The following HK2 variants were observed in gnomAD, a reference collection of about 807,000 sequenced individuals.
HK2 encodes the protein hexokinase-2.
Under a neutral mutation model 92.9 loss-of-function variants are expected in HK2, and 42 were observed. The observed-to-expected ratio is 0.45, with a 90% CI of 0.35 to 0.58. The LOEUF (loss-of-function observed/expected upper bound fraction) is 0.58, where lower values mean the gene tolerates loss of function less well. HK2 is among the 20% of genes least tolerant of loss of function. The pLI is 0.00. For missense variants in HK2, 978 were observed against 1,245.1 expected (o/e 0.79, Z 3.23); for synonymous variants, 422 against 468.0 (o/e 0.90, Z 1.27).
At chr2:74,877,847 G>A (rs1423870527) in intron 8 of HK2, among the ~76,000 whole-genome samples, 2 of 152,148 alleles carry the variant, frequency 1.3e-5, no homozygotes, top group African/African-American at 4.8e-5. Context: ...CTTGATTTTT[G>A]TTGTTGTTAA....
chr2:74,878,721 C>G lies in HK2; in HGVS notation c.1065C>G (p.Val355=). 1 of 1,607,260 alleles carries G rather than the reference C, an allele frequency of 6.2e-7. No individual in the cohort carries two copies. Among genetic ancestry groups the G allele is most frequent in the Non-Finnish European group, 8.5e-7 (1 of 1,176,930 alleles). ...EKDGIRKARE[V]LMRLGLDPTQ... is the part of the protein sequence containing the mutation. ...ATGGCATCCGGAAGGCCCGTGAGGT[C>G]CTGATGCGGTTGGGCCTGGACCCGA... Residue 355 remains valine (V), a synonymous_variant, in exon 9 of 18, where the codon GTC becomes GTG. Coordinates refer to ENST00000290573, the MANE Select transcript of HK2 (RefSeq NM_000189.5).
chr2:74,863,122 G>A (rs886552276), intron 2 of HK2, among the ~76,000 whole-genome samples: 3 of 152,178 alleles, frequency 2.0e-5, no homozygotes, highest in East Asian at 1.9e-4. Flanking sequence ...TGACTGGCAC[G>A]TATTTTGAGC....
chr2:74,862,034 T>C (rs1688844429), intron 2 of HK2, among the ~76,000 whole-genome samples: 1 of 152,244 alleles, frequency 6.6e-6, no homozygotes, highest in Non-Finnish European at 1.5e-5. Flanking sequence ...ACCATGATGC[T>C]GATGGTGACG....
At chr2:74,848,401 T>A (rs894748549) in intron 1 of HK2, among the ~76,000 whole-genome samples, 1 of 152,258 alleles carries the variant, frequency 6.6e-6, no homozygotes, top group African/African-American at 2.4e-5. Flanking sequence ...ATTTTAAGTG[T>A]ACAATTTAGT....
chr2:74,844,811 C>T (rs1436251917), intron 1 of HK2, among the ~76,000 whole-genome samples: 1 of 152,238 alleles, frequency 6.6e-6, no homozygotes, highest in African/African-American at 2.4e-5. Flanking sequence ...GCCTGAAGAG[C>T]AAGGCCCGAC....
At chr2:74,844,634 T>C (rs11894886) in intron 1 of HK2, among the ~76,000 whole-genome samples, 20,496 of 152,184 alleles carry the variant, frequency 0.13, 1,577 homozygotes, top group African/African-American at 0.2. Context: ...GGAGTTCAGA[T>C]GCCACTGTGG....
At chr2:74,843,531 G>A (rs1464215088) in intron 1 of HK2, among the ~76,000 whole-genome samples, 1 of 152,094 alleles carries the variant, frequency 6.6e-6, no homozygotes, top group Non-Finnish European at 1.5e-5. Context: ...TCCTGCCTTG[G>A]TTAAATCTTA....
chr2:74,865,375 G>A (rs1367165271), intron 2 of HK2, among the ~76,000 whole-genome samples: 1 of 152,208 alleles, frequency 6.6e-6, no homozygotes, highest in South Asian at 2.1e-4. Flanking sequence ...GGCTGGCCTC[G>A]GATGATGACC....
intron 8 of HK2, among the ~76,000 whole-genome samples, chr2:74,877,680 T>C (rs1418464578): frequency 6.6e-6 from 1 of 152,200 alleles, no homozygotes; most frequent in Non-Finnish European, 1.5e-5. Context: ...TCTGATTCCC[T>C]ATTGGCAATT....
At chr2:74,886,162 C>A in intron 13 of HK2, 132 bp from the exon 14 acceptor site, 2 of 776,190 alleles carry the variant, frequency 2.6e-6, no homozygotes, top group Non-Finnish European at 2.3e-6. Context: ...AAGCACAGAC[C>A]TGAATGGAAT....
In HK2 at chr2:74,881,734, G is replaced by A. The variant is rs1558803700; in HGVS notation, c.1594G>A (p.Asp532Asn). 3 of 1,614,186 alleles carry A rather than the reference G, an allele frequency of 1.9e-6. No homozygotes were observed. The highest frequency in any genetic ancestry group is 1.7e-6 in the Non-Finnish European group (2 of 1,180,032). ...AGAGAAAGGGGACTTCTTGGCCTTGGACCTTGGAGGAACAAATTTCCGGGT... is the reference window on the plus strand; with the variant it reads ...AGAGAAAGGGGACTTCTTGGCCTTGAACCTTGGAGGAACAAATTTCCGGGT... ...GTEKGDFLAL[D>N]LGGTNFRVLL... Residue 532 changes from aspartate (D) to asparagine (N), a missense_variant, in exon 11 of 18, where the codon GAC becomes AAC. By Grantham distance (23) the Asp-to-Asn change is conservative. This residue lies in a region of HK2 where 742 missense variants were observed against 922.5 expected (regional missense o/e 0.80). Coordinates refer to ENST00000290573, the MANE Select transcript of HK2 (RefSeq NM_000189.5).
chr2:74,872,498 G>A lies in HK2; in HGVS notation c.495+79G>A, dbSNP rs553896009. On this transcript the variant is annotated intron_variant, in intron 4 of 17. Coordinates refer to ENST00000290573, the MANE Select transcript of HK2 (RefSeq NM_000189.5). ...GAGAGGGACTTCTGAGCCACCTGCT[G>A]TGGTGGTGGTGGTAGCACTGGAGGA... 2.7e-6 allele frequency: 4 copies of A among 1,478,972 alleles called. No homozygotes were observed. The African/African-American group carries it at 4.2e-5, about 15-fold the overall frequency. 91.6% of individuals were successfully genotyped at this position (1,478,972 alleles called of 1,614,324 possible).
At chr2:74,871,653 TC>T (rs1340159163) in intron 3 of HK2, among the ~76,000 whole-genome samples, 1 of 152,238 alleles carries the variant, frequency 6.6e-6, no homozygotes, top group Non-Finnish European at 1.5e-5. Flanking sequence ...TCAGCGCTCT[TC>T]ATGGACTTAC....
intron 2 of HK2, among the ~76,000 whole-genome samples, chr2:74,858,286 A>G (rs1688738305): frequency 1.3e-5 from 2 of 152,234 alleles, no homozygotes; most frequent in East Asian, 3.8e-4. Context: ...ACTGCCTTAA[A>G]TGATCCTTGG....
At chr2:74,848,741 G>A (rs961144014) in intron 1 of HK2, among the ~76,000 whole-genome samples, 14 of 152,202 alleles carry the variant, frequency 9.2e-5, no homozygotes, top group African/African-American at 3.1e-4. Flanking sequence ...TCTTCTGGAT[G>A]TAAATAATTT....
In HK2 at chr2:74,880,518, G is replaced by GC; in HGVS notation, c.1524dup (p.Val509ArgfsTer68). 1 of 1,614,196 alleles carries GC rather than the reference G, an allele frequency of 6.2e-7. No individual in the cohort carries two copies. Among genetic ancestry groups the GC allele is most frequent in the Non-Finnish European group, 8.5e-7 (1 of 1,180,024 alleles). ...TCTGAGCAAGGAGACTCATGCCAGT[G>GC]CCCCCGTCAAGATGCTGCCCACCTA... On this transcript the variant is annotated frameshift_variant, in exon 10 of 18. Coordinates refer to ENST00000290573, the MANE Select transcript of HK2 (RefSeq NM_000189.5). LOFTEE classifies it high-confidence loss of function.
At chr2:74,866,021 G>A (rs1324869310) in intron 2 of HK2, among the ~76,000 whole-genome samples, 2 of 152,086 alleles carry the variant, frequency 1.3e-5, no homozygotes, top group Non-Finnish European at 2.9e-5. Context: ...ATAGTGGCCG[G>A]GGTTCTGGAG....
intron 4 of HK2, 44 bp from the exon 5 acceptor site, chr2:74,873,232 A>G: frequency 1.4e-6 from 2 of 1,429,336 alleles, no homozygotes; most frequent in Non-Finnish European, 2.0e-6. Flanking sequence ...TGTGAGTTTC[A>G]GTTTTAGTGG....
At chr2:74,869,090 A>G (rs2103943169) in intron 3 of HK2, among the ~76,000 whole-genome samples, 1 of 152,264 alleles carries the variant, frequency 6.6e-6, no homozygotes, top group East Asian at 1.9e-4. Flanking sequence ...CTCTCCATGC[A>G]ATATATAAGA....
Sources: allele counts gnomAD v4.1 joint callset (sites outside exome capture counted in the v4.1 genomes callset), GRCh38; gene constraint gnomAD v4.1.1; regional missense constraint gnomAD v4.1.1; transcripts MANE v1.5; gene names NCBI Gene and HGNC (gene_info 2026-07-23, HGNC 2026-07-21).